Variants in TENM3 observed in about 807,000 individuals in gnomAD.
TENM3 encodes teneurin transmembrane protein 3.
A neutral mutation model predicts 255.1 loss-of-function variants in TENM3; 63 were observed. That is an observed-to-expected ratio of 0.25 (90% CI 0.20 to 0.30). TENM3 has a LOEUF of 0.30. Ranked by LOEUF, TENM3 falls within the 10% of genes least tolerant of loss-of-function variation. TENM3 has a pLI of 1.00. For missense variants in TENM3, 2,929 were observed against 3,461.1 expected, an observed-to-expected ratio of 0.85 and a Z score of 3.86; for synonymous variants, 1,306 against 1,322.3, an observed-to-expected ratio of 0.99 and a Z score of 0.27.
intron 2 of TENM3, among the ~76,000 whole-genome samples, chr4:182,344,434 G>A (rs181543039): frequency 9.2e-5 from 14 of 152,110 alleles, no homozygotes; most frequent in Admixed American, 1.3e-4. Context: ...TTTGGGATAC[G>A]TATATCAATT....
chr4:182,013,607 AC>A, the TENM3 span, among the ~76,000 whole-genome samples: 1 of 152,128 alleles, frequency 6.6e-6, no homozygotes. Flanking sequence ...ACTTCTAGGG[AC>A]CAGCCTGGAA....
the TENM3 span, among the ~76,000 whole-genome samples, chr4:181,467,095 G>GTA: frequency 2.3e-3 from 162 of 71,496 alleles, 4 homozygotes; most frequent in Middle Eastern, 0.022. Context: ...GTGTGTGTGT[G>GTA]TGTGTGTGTA....
intron 1 of TENM3, among the ~76,000 whole-genome samples, chr4:182,291,003 T>C (rs1761090066): frequency 6.6e-6 from 1 of 151,948 alleles, no homozygotes; most frequent in Non-Finnish European, 1.5e-5. Flanking sequence ...GTATTTTTAG[T>C]AGAGATGGGG....
the TENM3 span, among the ~76,000 whole-genome samples, chr4:181,634,627 T>A: frequency 2.0e-5 from 3 of 152,208 alleles, no homozygotes; most frequent in Non-Finnish European, 4.4e-5. Context: ...AAGATCTCCC[T>A]CTATTGCTCT....
At chr4:182,281,742 ATTTT>A (rs1760396698) in intron 1 of TENM3, among the ~76,000 whole-genome samples, 3 of 151,926 alleles carry the variant, frequency 2.0e-5, no homozygotes. Flanking sequence ...TTATTTATTT[ATTTT>A]ATTTATTTTC....
intron 3 of TENM3, among the ~76,000 whole-genome samples, chr4:182,351,160 G>A (rs1431412230): frequency 6.6e-6 from 1 of 152,044 alleles, no homozygotes; most frequent in South Asian, 2.1e-4. Flanking sequence ...GTAACTCAGT[G>A]TCAAGAGATG....
chr4:182,722,031 T>C (rs1759778135), intron 13 of TENM3, among the ~76,000 whole-genome samples: 1 of 152,196 alleles, frequency 6.6e-6, no homozygotes, highest in Non-Finnish European at 1.5e-5. Flanking sequence ...TTATGGTGCA[T>C]GCAGAAGCTT....
At chr4:181,453,827 C>T in the TENM3 span, among the ~76,000 whole-genome samples, 2 of 152,056 alleles carry the variant, frequency 1.3e-5, no homozygotes, top group African/African-American at 2.4e-5. Flanking sequence ...TCCCCTTGGC[C>T]AGCACAGGAA....
chr4:181,473,017 T>C, the TENM3 span, among the ~76,000 whole-genome samples: 7 of 152,164 alleles, frequency 4.6e-5, no homozygotes, highest in African/African-American at 1.7e-4. Context: ...CTGCTTGTAA[T>C]TGAGGCACTT....
chr4:182,590,538 C>CAAAA lies in TENM3; in HGVS notation c.512-10366_512-10363dup, dbSNP rs34681777. Among the ~76,000 whole-genome samples, 537 of 79,832 alleles carry CAAAA rather than the reference C, an allele frequency of 6.7e-3. 15 individuals carry two copies. The highest frequency in any genetic ancestry group is 0.018 in the East Asian group (48 of 2,606). 52.4% of individuals were successfully genotyped at this position (79,832 alleles called of 152,430 possible). A position where few individuals can be genotyped will look rare whatever the true frequency, so the allele number is the denominator to read the frequency against. On this transcript the variant is annotated intron_variant, in intron 3 of 27. Coordinates refer to ENST00000511685, the MANE Select transcript of TENM3 (RefSeq NM_001080477.4). ...CCAGCAATAGAGCGAGACCCTGTCT[C>CAAAA]AAAAAAAAAAAAAAAAAAAAAAAGA... is the stretch of plus-strand genomic sequence containing the variant.
chr4:182,598,534 T>C (rs1747513130), intron 3 of TENM3, among the ~76,000 whole-genome samples: 1 of 152,204 alleles, frequency 6.6e-6, no homozygotes, highest in African/African-American at 2.4e-5. Context: ...ACGTTTTTAT[T>C]TAGGAATAAG....
chr4:181,848,933 T>C, the TENM3 span, among the ~76,000 whole-genome samples: 1 of 152,170 alleles, frequency 6.6e-6, no homozygotes, highest in Non-Finnish European at 1.5e-5. Flanking sequence ...TAGGGATTGT[T>C]TGAGTTGATG....
At chr4:182,238,720 C>A (rs1757046167), upstream of TENM3, among the ~76,000 whole-genome samples, 1 of 152,160 alleles carries the variant, frequency 6.6e-6, no homozygotes, top group Admixed American at 6.5e-5. Context: ...CGGACTGAAT[C>A]ATCTTTTCAT....
intron 1 of TENM3, among the ~76,000 whole-genome samples, chr4:182,308,333 A>G (rs921092963): frequency 3.7e-4 from 55 of 147,878 alleles, no homozygotes; most frequent in African/African-American, 1.3e-3. Flanking sequence ...TTTTTTTTTT[A>G]TGAGACAGGG....
rs566522709 is a variant in TENM3, at chr4:182,772,623, A to C, written c.4893-849A>C. On this transcript the variant is annotated intron_variant, in intron 22 of 27. Transcript: ENST00000511685. ...TCTCTGGTGCTGCCACAAATAGAAAAGTCACAAAAATTCAATTCTTCAGTC... is the reference window on the plus strand; with the variant it reads ...TCTCTGGTGCTGCCACAAATAGAAACGTCACAAAAATTCAATTCTTCAGTC... The C allele has an allele frequency of 1.4e-3, 220 of 152,286 alleles. 2 individuals are homozygous for C. The highest frequency in any genetic ancestry group is 4.8e-3 in the African/African-American group (200 of 41,558). The allele number at this position is 152,286 out of a possible 1,614,324, so 9.4% of individuals were successfully genotyped here.
the TENM3 span, among the ~76,000 whole-genome samples, chr4:181,560,528 A>G: frequency 6.6e-6 from 1 of 152,156 alleles, no homozygotes; most frequent in Non-Finnish European, 1.5e-5. Context: ...TCAACTCCCA[A>G]TCTGCCTTCC....
the TENM3 span, among the ~76,000 whole-genome samples, chr4:181,529,176 CT>C: frequency 1.3e-5 from 2 of 152,208 alleles, no homozygotes; most frequent in Non-Finnish European, 2.9e-5. Flanking sequence ...GATCTTCCAG[CT>C]GTTAGTGCAG....
At chr4:181,528,793 C>G in the TENM3 span, among the ~76,000 whole-genome samples, 6 of 152,150 alleles carry the variant, frequency 3.9e-5, no homozygotes. Context: ...TGTGCATACA[C>G]GCTGCTCAGG....
At chr4:182,650,924 A>ATATATATATATATATATAT (rs1491428844) in intron 5 of TENM3, among the ~76,000 whole-genome samples, 5 of 10,508 alleles carry the variant, frequency 4.8e-4, no homozygotes, top group South Asian at 3.3e-3. Context: ...ATATATATAT[A>ATATATATATATATATATAT]AAACAAAGCT....
Sources: gnomAD v4.1 joint callset for allele counts (sites outside exome capture counted in the v4.1 genomes callset) on GRCh38, gnomAD v4.1.1 for gene constraint, MANE v1.5 for transcripts, NCBI Gene and HGNC (gene_info 2026-07-23, HGNC 2026-07-21) for gene names.